HMGXB4: variants seen among roughly 807,000 people sequenced by gnomAD.
HMGXB4 encodes HMG domain-containing protein 4.
Under a neutral mutation model 63.9 loss-of-function variants are expected in HMGXB4, and 27 were observed. The observed-to-expected ratio is 0.42, with a 90% CI of 0.31 to 0.58. The LOEUF (loss-of-function observed/expected upper bound fraction) is 0.58, where lower values mean the gene tolerates loss of function less well. HMGXB4 is among the 20% of genes least tolerant of loss of function. The probability of loss-of-function intolerance (pLI) is 0.13; values close to 1 mark genes in which losing one functional copy is unlikely to be tolerated. For synonymous variants in HMGXB4, 264 were observed against 265.3 expected, an observed-to-expected ratio of 0.99 and a Z score of 0.05; for missense variants, 624 against 700.7, an observed-to-expected ratio of 0.89 and a Z score of 1.24.
upstream of HMGXB4, among the ~76,000 whole-genome samples, chr22:35,253,469 G>A (rs1922272861): frequency 6.6e-6 from 1 of 152,184 alleles, no homozygotes; most frequent in African/African-American, 2.4e-5. Flanking sequence ...TGTCTTCCCA[G>A]AATAGATCCC....
At chr22:35,266,651 T>G (rs1601628002) in intron 5 of HMGXB4, among the ~76,000 whole-genome samples, 2 of 152,352 alleles carry the variant, frequency 1.3e-5, no homozygotes, top group African/African-American at 4.8e-5. Context: ...AGATAAAATC[T>G]GGAAGAAAAG....
At chr22:35,270,863 T>C (rs1923561574) in intron 5 of HMGXB4, among the ~76,000 whole-genome samples, 1 of 152,236 alleles carries the variant, frequency 6.6e-6, no homozygotes, top group Non-Finnish European at 1.5e-5. Flanking sequence ...ATTTATAGTG[T>C]ATATACTGTG....
chr22:35,290,909 A>C (rs979335084), intron 9 of HMGXB4, among the ~76,000 whole-genome samples: 3 of 152,204 alleles, frequency 2.0e-5, no homozygotes, highest in African/African-American at 4.8e-5. Flanking sequence ...TATGTTCAGT[A>C]GTAAATTAAT....
intron 9 of HMGXB4, among the ~76,000 whole-genome samples, chr22:35,290,211 G>C (rs1196008783): frequency 6.6e-6 from 1 of 152,162 alleles, no homozygotes; most frequent in Admixed American, 6.5e-5. Context: ...AGCGTATTCT[G>C]AATTTTCCCA....
chr22:35,272,270 T>G (rs1269925871), intron 5 of HMGXB4, among the ~76,000 whole-genome samples: 3 of 151,958 alleles, frequency 2.0e-5, no homozygotes, highest in African/African-American at 7.3e-5. Context: ...GTGCAGTAGG[T>G]AGGAATGGAG....
intron 5 of HMGXB4, among the ~76,000 whole-genome samples, chr22:35,278,074 GA>G: frequency 6.6e-6 from 1 of 152,182 alleles, no homozygotes; most frequent in East Asian, 1.9e-4. Flanking sequence ...GCCTTTTCCA[GA>G]ATGCCACATA....
chr22:35,270,286 C>T (rs1372528376), intron 5 of HMGXB4, among the ~76,000 whole-genome samples: 3 of 152,176 alleles, frequency 2.0e-5, no homozygotes, highest in African/African-American at 7.2e-5. Flanking sequence ...CAAACCCCAG[C>T]AGGTTCCTTA....
At chr22:35,287,230 T>C in intron 7 of HMGXB4, 117 bp from the exon 8 acceptor site, 1 of 758,698 alleles carries the variant, frequency 1.3e-6, no homozygotes, top group Non-Finnish European at 2.2e-6. Context: ...ATTAACCCTC[T>C]GTCTGCCCGC....
At chr22:35,284,220 A>C (rs1220020318) in intron 6 of HMGXB4, among the ~76,000 whole-genome samples, 177 bp downstream of exon 6, 2 of 152,244 alleles carry the variant, frequency 1.3e-5, no homozygotes. Context: ...AACTTTCTAT[A>C]CATATCTCTT....
intron 5 of HMGXB4, among the ~76,000 whole-genome samples, chr22:35,275,911 C>G (rs1436562920): frequency 6.6e-6 from 1 of 152,092 alleles, no homozygotes; most frequent in African/African-American, 2.4e-5. Context: ...AAAATATTAA[C>G]ATTTTATTAA....
At chr22:35,275,168 G>A (rs951572019) in intron 5 of HMGXB4, among the ~76,000 whole-genome samples, 2 of 125,648 alleles carry the variant, frequency 1.6e-5, no homozygotes, top group Non-Finnish European at 3.1e-5. Flanking sequence ...CGCCCAGGCT[G>A]TAGTACAATG....
At position 35,265,389 on chromosome 22, in the gene HMGXB4, A is replaced by G; in HGVS notation, c.1001A>G (p.His334Arg). The stretch of plus-strand genomic sequence containing the variant: ...AAAAAGAAGAAAGACAAGGAGAAGC[A>G]TAAAGAGAAGCGACACTCCAAGTCC... Reference protein sequence around the residue: ...KSKKKKDKEKHKEKRHSKSKR... With the variant: ...KSKKKKDKEKRKEKRHSKSKR... The change falls in exon 5 of 11, where the codon CAT (histidine) becomes CGT (arginine). Residue 334 changes from histidine to arginine, a missense_variant. His to Arg is a conservative substitution (Grantham distance 29). Transcript: ENST00000216106. 1.2e-6 allele frequency: 2 copies of G among 1,614,176 alleles called. No individual in the cohort carries two copies. The highest frequency in any genetic ancestry group is 1.7e-5 in the Admixed American group (1 of 60,026).
chr22:35,247,298 C>T, the HMGXB4 span, among the ~76,000 whole-genome samples: 1 of 152,180 alleles, frequency 6.6e-6, no homozygotes, highest in Non-Finnish European at 1.5e-5. Context: ...CCCTCACTCC[C>T]GAGTGCACCA....
At chr22:35,252,806 AG>A (rs1421191136), upstream of HMGXB4, among the ~76,000 whole-genome samples, 1 of 152,196 alleles carries the variant, frequency 6.6e-6, no homozygotes, top group African/African-American at 2.4e-5. Flanking sequence ...GTTCGAGACC[AG>A]CCTGACCAAC....
intron 5 of HMGXB4, among the ~76,000 whole-genome samples, chr22:35,268,248 C>T (rs1923383980): frequency 6.6e-6 from 1 of 152,172 alleles, no homozygotes; most frequent in Admixed American, 6.5e-5. Flanking sequence ...CATCCCCAAC[C>T]CCAGAGCCAA....
chr22:35,249,216 G>A, the HMGXB4 span, among the ~76,000 whole-genome samples: 2 of 98,752 alleles, frequency 2.0e-5, 1 homozygote, highest in Non-Finnish European at 5.7e-5. Flanking sequence ...CTACCACCAC[G>A]CCTGTCTAAT....
At chr22:35,274,946 C>G (rs1204751286) in intron 5 of HMGXB4, among the ~76,000 whole-genome samples, 2 of 152,096 alleles carry the variant, frequency 1.3e-5, no homozygotes, top group Non-Finnish European at 2.9e-5. Context: ...TTTAGTGGCC[C>G]TGCCACTCCG....
At position 35,295,274 on chromosome 22, in the gene HMGXB4, C is replaced by CT. The variant is rs1197638385; in HGVS notation, c.*1624dup. ...ATGTTGCTTAAAGGTAGTCTGGCTG[C>CT]TGAATCCCTTTCTCAGCTCAGAGCA... On this transcript the variant is annotated 3_prime_UTR_variant, in exon 11 of 11. Transcript: ENST00000216106. 2 of 152,244 alleles carry CT rather than the reference C, an allele frequency of 1.3e-5. No individual in the cohort carries two copies. Among genetic ancestry groups the CT allele is most frequent in the African/African-American group, 2.4e-5 (1 of 41,456 alleles). 9.4% of individuals were successfully genotyped at this position (152,244 alleles called of 1,614,324 possible). A position where few individuals can be genotyped will look rare whatever the true frequency, so the allele number is the denominator to read the frequency against.
chr22:35,289,551 T>C (rs1373934079), intron 9 of HMGXB4, among the ~76,000 whole-genome samples: 3 of 152,262 alleles, frequency 2.0e-5, no homozygotes, highest in Non-Finnish European at 4.4e-5. Context: ...TAAGAGACTT[T>C]GAATTTTTCT....
Sources: gnomAD v4.1 joint callset for allele counts (sites outside exome capture counted in the v4.1 genomes callset) on GRCh38, gnomAD v4.1.1 for gene constraint, MANE v1.5 for transcripts, NCBI Gene and HGNC (gene_info 2026-07-23, HGNC 2026-07-21) for gene names.